The following BOP1 variants were observed in gnomAD, a reference collection of about 807,000 sequenced individuals.
BOP1 encodes the protein BOP1 ribosomal biogenesis factor, also known as ribosome biogenesis protein BOP1.
In BOP1, 54 loss-of-function variants were observed where a neutral mutation model predicts 82.9. That is an observed-to-expected ratio of 0.65 (90% confidence interval 0.52 to 0.82). The LOEUF (loss-of-function observed/expected upper bound fraction) is 0.82, where lower values mean the gene tolerates loss of function less well. Ranked by LOEUF, BOP1 falls within the 40% of genes least tolerant of loss-of-function variation. BOP1 has a pLI of 0.00. For synonymous variants in BOP1, 566 were observed against 451.1 expected (o/e 1.25, Z -3.23); for missense variants, 1,170 against 1,072.0 (o/e 1.09, Z -1.28).
intron 3 of BOP1, among the ~76,000 whole-genome samples, chr8:144,267,588 C>A (rs1418263546): frequency 2.0e-5 from 3 of 152,248 alleles, no homozygotes; most frequent in Non-Finnish European, 4.4e-5. Flanking sequence ...GGGTTCTTAG[C>A]CCCTGCGGCC....
At chr8:144,280,622 G>T (rs905773072) in intron 2 of BOP1, among the ~76,000 whole-genome samples, 3 of 152,234 alleles carry the variant, frequency 2.0e-5, no homozygotes, top group Middle Eastern at 3.2e-3. Flanking sequence ...GGAGACCGAG[G>T]CAGGCGGATC....
intron 3 of BOP1, chr8:144,265,335 T>G: frequency 3.6e-6 from 2 of 558,842 alleles, no homozygotes; most frequent in Non-Finnish European, 3.2e-6. Flanking sequence ...ACCCCAGAGC[T>G]CCCCCCTCAC....
rs1395406118 is a variant in BOP1 at position 144,263,207 on chromosome 8, G to A, written c.1605+14C>T. The A allele has an allele frequency of 3.8e-6, 6 of 1,593,748 alleles. No individual in the cohort carries two copies. The African/African-American group carries it at 6.7e-5, about 18-fold the overall frequency. On this transcript the variant is annotated intron_variant, in intron 12 of 15. Coordinates refer to ENST00000569669, the MANE Select transcript of BOP1 (RefSeq NM_015201.5). Reference sequence around the variant, plus strand: ...CCTCCCGCTGCAGCCTCACCCCCAAGGCGCCCCACGTACCTTCCCGTGGCA... The same window carrying A: ...CCTCCCGCTGCAGCCTCACCCCCAAAGCGCCCCACGTACCTTCCCGTGGCA...
chr8:144,263,593 G>C lies in BOP1; in HGVS notation c.1309C>G (p.Leu437Val). 1 of 1,606,068 alleles carries C rather than the reference G, an allele frequency of 6.2e-7. No homozygotes were observed. The highest frequency in any genetic ancestry group is 8.5e-7 in the Non-Finnish European group (1 of 1,179,720). ...GCAGTGGCCACCTCCCAGAGCCGCAGGGAGCCGTCGTCAGAGCCTGGATGC... is the reference window on the plus strand; with the variant it reads ...GCAGTGGCCACCTCCCAGAGCCGCACGGAGCCGTCGTCAGAGCCTGGATGC... ...WLVSGSDDGS[L>V]RLWEVATARC... The change falls in exon 11 of 16, where the codon CTG (leucine) becomes GTG (valine). Residue 437 changes from leucine to valine, a missense_variant. Coordinates refer to ENST00000569669, the MANE Select transcript of BOP1 (RefSeq NM_015201.5).
At chr8:144,266,594 G>A (rs1245333281) in intron 3 of BOP1, 13 of 1,102,250 alleles carry the variant, frequency 1.2e-5, no homozygotes, top group South Asian at 8.9e-5. Context: ...CAGAGCTGAC[G>A]CCGCGCCCCC....
chr8:144,271,196 G>A (rs1554837730), intron 3 of BOP1, among the ~76,000 whole-genome samples: 1 of 152,112 alleles, frequency 6.6e-6, no homozygotes, highest in African/African-American at 2.4e-5. Flanking sequence ...GCAACCGGCT[G>A]ATGTGTCGGC....
Position 144,262,513 on chromosome 8 carries a change from G to A in BOP1, c.1980-10C>T. The stretch of plus-strand genomic sequence containing the variant: ...AGCCTTCTTGTGGTGTCTGGGGGGA[G>A]GGAACCAGGTTGAAGGCAGGCTCGG... On this transcript the variant is annotated splice_polypyrimidine_tract_variant and intron_variant, in intron 14 of 15. Transcript: ENST00000569669. The A allele has an allele frequency of 3.7e-6, 6 of 1,612,934 alleles. No individual in the cohort carries two copies. The highest frequency in any genetic ancestry group is 5.1e-6 in the Non-Finnish European group (6 of 1,179,772).
intron 2 of BOP1, among the ~76,000 whole-genome samples, chr8:144,279,698 T>A (rs1659364974): frequency 6.6e-6 from 1 of 152,140 alleles, no homozygotes; most frequent in African/African-American, 2.4e-5. Flanking sequence ...CAAATCTGGG[T>A]GGGCTTGTGG....
At chr8:144,273,376 G>GCCCCAGA (rs1845523010) in intron 3 of BOP1, among the ~76,000 whole-genome samples, 1 of 149,958 alleles carries the variant, frequency 6.7e-6, no homozygotes, top group African/African-American at 2.5e-5. Flanking sequence ...CTGCACCCCA[G>GCCCCAGA]CCCCAGACTC....
chr8:144,274,929 ACAGGCAGGGAGTGCGCGGCGTGGCCC>A (rs1372567509), intron 3 of BOP1, among the ~76,000 whole-genome samples: 1 of 152,156 alleles, frequency 6.6e-6, no homozygotes, highest in Non-Finnish European at 1.5e-5. Context: ...GGGAGGGGAG[ACAGGCAGGGAGTGCGCGGCGTGGCCC>A]CCCCGCTCTG....
At chr8:144,273,923 G>C (rs1279678281) in intron 3 of BOP1, among the ~76,000 whole-genome samples, 1 of 152,208 alleles carries the variant, frequency 6.6e-6, no homozygotes, top group Non-Finnish European at 1.5e-5. Context: ...CCAAGAGCTG[G>C]AGTACAGCTC....
rs1353176822 is a variant in BOP1 at position 144,266,789 on chromosome 8, G to A, written c.391-1718C>T. The A allele has an allele frequency of 9.0e-6, 10 of 1,112,650 alleles. No homozygotes were observed. In the East Asian group the frequency reaches 4.5e-4, roughly 50 times the overall value. The allele number at this position is 1,112,650 out of a possible 1,614,324, so 68.9% of individuals were successfully genotyped here. A position where few individuals can be genotyped will look rare whatever the true frequency, so the allele number is the denominator to read the frequency against. On this transcript the variant is annotated intron_variant, in intron 3 of 15. Transcript: ENST00000569669. Reference sequence around the variant, plus strand: ...GGCGCCCGGCGGAGGGCGGGGGGCCGGCGGGCCGGGGGCGGGGGGCCAGGG... The same window carrying A: ...GGCGCCCGGCGGAGGGCGGGGGGCCAGCGGGCCGGGGGCGGGGGGCCAGGG...
At chr8:144,266,803 G>GGGGGGCCA in intron 3 of BOP1, 1 of 1,137,378 alleles carries the variant, frequency 8.8e-7, no homozygotes, top group Non-Finnish European at 1.1e-6. Context: ...GGCCGGGGGC[G>GGGGGGCCA]GGGGGCCAGG....
intron 2 of BOP1, among the ~76,000 whole-genome samples, chr8:144,283,368 C>A (rs543959267): frequency 6.6e-6 from 1 of 152,244 alleles, no homozygotes; most frequent in South Asian, 2.1e-4. Context: ...CCTTGGGCAA[C>A]AGCCATGAGG....
At chr8:144,268,640 G>A (rs1281366266) in intron 3 of BOP1, among the ~76,000 whole-genome samples, 5 of 152,146 alleles carry the variant, frequency 3.3e-5, no homozygotes, top group African/African-American at 4.8e-5. Context: ...CCCTCCCTGG[G>A]CTGAGGCGGT....
In BOP1 at chr8:144,289,139, C is replaced by G; in HGVS notation, c.265G>C (p.Glu89Gln). 2 of 1,614,164 alleles carry G rather than the reference C, an allele frequency of 1.2e-6. No homozygotes were observed. The highest frequency in any genetic ancestry group is 1.7e-6 in the Non-Finnish European group (2 of 1,180,026). ...EEGEDGALDD[E>Q]GHSGIKKTTE... The stretch of plus-strand genomic sequence containing the variant: ...GTCTTTTTAATCCCACTGTGGCCCT[C>G]GTCATCAAGGGCTCCGTCCTCTCCC... The change falls in exon 2 of 16, where the codon GAG becomes CAG. Residue 89 changes from glutamate to glutamine, a missense_variant. Physicochemically the swap from Glu to Gln is conservative, Grantham distance 29. Transcript: ENST00000569669.
intron 3 of BOP1, among the ~76,000 whole-genome samples, chr8:144,267,470 AGCTGGACCAGGCC>A (rs1239763194): frequency 2.0e-5 from 3 of 152,288 alleles, no homozygotes; most frequent in Admixed American, 6.5e-5. Context: ...GAGGCTGGGG[AGCTGGACCAGGCC>A]GCTGCAAGCT....
chr8:144,265,454 G>A (rs1015122634), intron 3 of BOP1: 11 of 320,556 alleles, frequency 3.4e-5, no homozygotes, highest in African/African-American at 1.3e-4. Flanking sequence ...GCTATAAGAC[G>A]GGGACTCGGG....
chr8:144,287,294 G>C (rs1814912265), intron 2 of BOP1, among the ~76,000 whole-genome samples: 1 of 152,216 alleles, frequency 6.6e-6, no homozygotes, highest in African/African-American at 2.4e-5. Context: ...ACAGGCGTGA[G>C]CCACCACGCC....
Sources: gnomAD v4.1 joint callset for allele counts (sites outside exome capture counted in the v4.1 genomes callset) on GRCh38, gnomAD v4.1.1 for gene constraint, MANE v1.5 for transcripts, NCBI Gene and HGNC (gene_info 2026-07-23, HGNC 2026-07-21) for gene names.